CSMD1: variants seen among roughly 807,000 people sequenced by gnomAD.
The protein encoded by CSMD1 is CUB and sushi domain-containing protein 1.
A neutral mutation model predicts 417.5 loss-of-function variants in CSMD1; 213 were observed. The observed-to-expected ratio is 0.51, with a 90% confidence interval of 0.46 to 0.57. The LOEUF is 0.57. Among genes scored for constraint, CSMD1 ranks in the 20% least tolerant of loss-of-function variants. CSMD1 has a pLI of 0.00. For synonymous variants in CSMD1, 2,862 were observed against 1,736.8 expected (o/e 1.65, Z -16.11); for missense variants, 6,923 against 4,529.7 (o/e 1.53, Z -15.17).
At chr8:3,241,514 G>C (rs1045526017) in intron 26 of CSMD1, among the ~76,000 whole-genome samples, 41 of 152,276 alleles carry the variant, frequency 2.7e-4, no homozygotes, top group Admixed American at 1.3e-3. Context: ...GGGAAGGAGT[G>C]AGTCAGAGAG....
chr8:3,908,662 C>T (rs1406653707), intron 5 of CSMD1, among the ~76,000 whole-genome samples: 1 of 152,106 alleles, frequency 6.6e-6, no homozygotes, highest in East Asian at 1.9e-4. Flanking sequence ...CTCTGCAGGG[C>T]CTACTCCAAT....
rs369100304 is a variant in CSMD1 at position 3,241,139 on chromosome 8, G to A, written c.4154-10908C>T. ...AGGGCGGCAATGAGATGTAGCTGTA[G>A]TCCAGGAATAGTTAGGGAAGCAGAT... On this transcript the variant is annotated intron_variant, in intron 26 of 69. Coordinates refer to ENST00000635120, the MANE Select transcript of CSMD1 (RefSeq NM_033225.6). 1.1e-3 allele frequency among the ~76,000 whole-genome samples: 174 copies of A among 151,842 alleles called. 1 individual carries two copies. The highest frequency in any genetic ancestry group is 7.7e-3 in the South Asian group (37 of 4,806).
intron 49 of CSMD1, among the ~76,000 whole-genome samples, chr8:3,071,682 A>G (rs1317447980): frequency 6.6e-6 from 1 of 152,330 alleles, no homozygotes; most frequent in East Asian, 1.9e-4. Flanking sequence ...GGCTTTTTGG[A>G]AAATGTGAGC....
intron 5 of CSMD1, among the ~76,000 whole-genome samples, chr8:3,990,298 A>G (rs2740978): frequency 6.6e-6 from 1 of 152,112 alleles, no homozygotes; most frequent in Non-Finnish European, 1.5e-5. Flanking sequence ...TAGGAAAAGT[A>G]TTTTTCAATA....
chr8:3,971,581 T>G (rs947915286), intron 5 of CSMD1, among the ~76,000 whole-genome samples: 1 of 152,182 alleles, frequency 6.6e-6, no homozygotes, highest in Non-Finnish European at 1.5e-5. Flanking sequence ...TACCATAATT[T>G]TGTAGAATAT....
intron 5 of CSMD1, among the ~76,000 whole-genome samples, chr8:3,815,430 A>G (rs1801316173): frequency 6.6e-6 from 1 of 152,190 alleles, no homozygotes; most frequent in Non-Finnish European, 1.5e-5. Flanking sequence ...TGATAGTATA[A>G]TACACTGACA....
chr8:4,219,828 G>C (rs1412772378), intron 3 of CSMD1, among the ~76,000 whole-genome samples: 1 of 152,158 alleles, frequency 6.6e-6, no homozygotes, highest in East Asian at 1.9e-4. Flanking sequence ...CTAATTATCT[G>C]TAAGTTACTT....
chr8:4,606,663 T>C (rs1214430930), intron 2 of CSMD1, among the ~76,000 whole-genome samples: 1 of 152,242 alleles, frequency 6.6e-6, no homozygotes, highest in African/African-American at 2.4e-5. Context: ...TGATGTGTTC[T>C]ATTCACTTGG....
intron 52 of CSMD1, among the ~76,000 whole-genome samples, chr8:3,005,662 G>T (rs951297870): frequency 6.6e-6 from 1 of 152,146 alleles, no homozygotes; most frequent in Non-Finnish European, 1.5e-5. Flanking sequence ...CAGAGCCAAA[G>T]ACAAAAACCA....
At chr8:3,953,312 G>C (rs959703291) in intron 5 of CSMD1, among the ~76,000 whole-genome samples, 4 of 152,220 alleles carry the variant, frequency 2.6e-5, no homozygotes, top group Admixed American at 2.0e-4. Flanking sequence ...TAAAATAAAA[G>C]ATTATTTAGC....
intron 1 of CSMD1, among the ~76,000 whole-genome samples, chr8:4,825,386 A>C (rs1664825698): frequency 6.6e-6 from 1 of 152,112 alleles, no homozygotes; most frequent in South Asian, 2.1e-4. Context: ...TTCACCAGTT[A>C]TTCAGCATAT....
chr8:4,567,455 T>C (rs1431728774), intron 2 of CSMD1, among the ~76,000 whole-genome samples: 1 of 152,264 alleles, frequency 6.6e-6, no homozygotes, highest in African/African-American at 2.4e-5. Flanking sequence ...TCTCTTTTCT[T>C]GGAAGGAGGA....
chr8:4,309,359 A>T (rs73504622), intron 3 of CSMD1, among the ~76,000 whole-genome samples: 92,882 of 151,884 alleles, frequency 0.61, 30,116 homozygotes, highest in East Asian at 0.86. Flanking sequence ...GAAAAAAACT[A>T]ATCTTTTGTT....
rs140176228 is a variant in CSMD1, at chr8:4,706,833, G to A, written c.86-69275C>T. On this transcript the variant is annotated intron_variant, in intron 1 of 69. Transcript: ENST00000635120. ...TGTGTCAGATAAACACAGTTGACCC[G>A]ATTGAGAGAATGGGGGAAACTTCTT... Among the ~76,000 whole-genome samples, 867 of 152,288 alleles carry A rather than the reference G, an allele frequency of 5.7e-3. 5 individuals are homozygous for A. The highest frequency in any genetic ancestry group is 0.031 in the Middle Eastern group (9 of 294).
rs772874971 is a variant in CSMD1 at position 3,106,511 on chromosome 8, T to C, written c.6949+17A>G. ...GTTGAATAAGTTTATGTAGTTTTAG[T>C]ATCGAACAGTGCATACCTTCACATG... is the stretch of plus-strand genomic sequence containing the variant. On this transcript the variant is annotated intron_variant, in intron 46 of 69. Transcript: ENST00000635120. 1.3e-6 allele frequency: 2 copies of C among 1,488,942 alleles called. No homozygotes were observed. Among genetic ancestry groups the C allele is most frequent in the South Asian group, 2.3e-5 (2 of 85,936 alleles). 92.2% of individuals were successfully genotyped at this position (1,488,942 alleles called of 1,614,324 possible).
rs74854605 is a variant in CSMD1 at position 4,565,008 on chromosome 8, G to A, written c.302+72334C>T. Among the ~76,000 whole-genome samples the A allele has an allele frequency of 6.0e-4, 91 of 152,300 alleles. 1 individual carries two copies. The highest frequency in any genetic ancestry group is 2.2e-3 in the African/African-American group (90 of 41,572). On this transcript the variant is annotated intron_variant, in intron 2 of 69. Coordinates refer to ENST00000635120, the MANE Select transcript of CSMD1 (RefSeq NM_033225.6). Reference sequence around the variant, plus strand: ...GGGGAACCCTTGGAGTTACTGTAATGATAGATGTCTGTCATCTTCAACAAA... The same window carrying A: ...GGGGAACCCTTGGAGTTACTGTAATAATAGATGTCTGTCATCTTCAACAAA...
Position 3,809,647 on chromosome 8 carries a change from A to G in CSMD1, c.819-55605T>C, listed in dbSNP as rs373198633. ...TCTCTGGTGGCGGCTAAGAATTCTCATTCTAACATCAGGTGATGCTGATGC... is the reference window on the plus strand; with the variant it reads ...TCTCTGGTGGCGGCTAAGAATTCTCGTTCTAACATCAGGTGATGCTGATGC... On this transcript the variant is annotated intron_variant, in intron 5 of 69. Coordinates refer to ENST00000635120, the MANE Select transcript of CSMD1 (RefSeq NM_033225.6). 1.5e-4 allele frequency among the ~76,000 whole-genome samples: 23 copies of G among 152,248 alleles called. No homozygotes were observed. In the East Asian group the frequency reaches 4.3e-3, roughly 28 times the overall value.
At chr8:3,564,517 TTG>T (rs34665230) in intron 10 of CSMD1, among the ~76,000 whole-genome samples, 245 of 145,474 alleles carry the variant, frequency 1.7e-3, no homozygotes, top group South Asian at 3.7e-3. Flanking sequence ...CACAGTATAT[TTG>T]TGTGTGTGTG....
chr8:3,735,295 G>A (rs906774292), intron 6 of CSMD1, among the ~76,000 whole-genome samples: 5 of 141,136 alleles, frequency 3.5e-5, no homozygotes, highest in African/African-American at 1.3e-4. Context: ...ATCATATATG[G>A]CAAGATAAAA....
Sources: allele counts gnomAD v4.1 joint callset (sites outside exome capture counted in the v4.1 genomes callset), GRCh38; gene constraint gnomAD v4.1.1; transcripts MANE v1.5; gene names NCBI Gene and HGNC (gene_info 2026-07-23, HGNC 2026-07-21).